Variants in BLTP3B observed in about 807,000 individuals in gnomAD.
BLTP3B encodes the protein bridge-like lipid transfer protein family member 3B.
the BLTP3B span, among the ~76,000 whole-genome samples, chr12:100,096,031 CA>C: frequency 6.6e-6 from 1 of 152,162 alleles, no homozygotes; most frequent in African/African-American, 2.4e-5. Context: ...GCAGGTGGAT[CA>C]CCCGAGGTCA....
At chr12:100,039,212 G>A in the BLTP3B span, among the ~76,000 whole-genome samples, 2 of 148,846 alleles carry the variant, frequency 1.3e-5, no homozygotes, top group Non-Finnish European at 3.0e-5. Context: ...GTTTATAGAA[G>A]TTTCAGAAAT....
chr12:100,114,264 A>G, the BLTP3B span, among the ~76,000 whole-genome samples: 1 of 152,178 alleles, frequency 6.6e-6, no homozygotes, highest in African/African-American at 2.4e-5. Flanking sequence ...ACAGGTTGAC[A>G]TGGCATCTAG....
chr12:100,110,788 TG>T, the BLTP3B span, among the ~76,000 whole-genome samples: 1 of 151,964 alleles, frequency 6.6e-6, no homozygotes, highest in East Asian at 1.9e-4. Context: ...AGGAGGGAGA[TG>T]ATATAAAGTG....
chr12:100,131,294 G>C, the BLTP3B span, among the ~76,000 whole-genome samples: 1 of 147,730 alleles, frequency 6.8e-6, no homozygotes, highest in Non-Finnish European at 1.5e-5. Flanking sequence ...CTGGGTGACA[G>C]AGCAAGACCC....
the BLTP3B span, chr12:100,058,161 C>A: frequency 1.2e-6 from 2 of 1,613,336 alleles, no homozygotes; most frequent in African/African-American, 2.7e-5. Context: ...GGTTTCATTT[C>A]CTTTACTAGT....
chr12:100,092,079 G>C, the BLTP3B span, among the ~76,000 whole-genome samples: 1 of 152,094 alleles, frequency 6.6e-6, no homozygotes, highest in Admixed American at 6.6e-5. Flanking sequence ...AAAGTACTGG[G>C]ATTACACTGC....
the BLTP3B span, among the ~76,000 whole-genome samples, chr12:100,101,765 T>C: frequency 6.6e-6 from 1 of 152,190 alleles, no homozygotes; most frequent in Non-Finnish European, 1.5e-5. Context: ...ACTTAATGAA[T>C]TTTAGAGTAA....
At chr12:100,059,966 G>A in the BLTP3B span, 1 of 1,612,986 alleles carries the variant, frequency 6.2e-7, no homozygotes, top group Non-Finnish European at 8.5e-7. Context: ...AACAGAAATT[G>A]ATTTAACCAT....
the BLTP3B span, among the ~76,000 whole-genome samples, chr12:100,099,157 T>A: frequency 1.3e-5 from 2 of 151,606 alleles, no homozygotes; most frequent in Admixed American, 1.3e-4. Flanking sequence ...CATACCTGGC[T>A]AATTTTTTGT....
the BLTP3B span, among the ~76,000 whole-genome samples, chr12:100,041,429 CT>C: frequency 4.6e-3 from 471 of 101,778 alleles, no homozygotes; most frequent in East Asian, 0.014. Context: ...GCTATTGTTA[CT>C]TTTTTTTTTT....
chr12:100,056,959 C>A, the BLTP3B span, among the ~76,000 whole-genome samples: 3 of 152,178 alleles, frequency 2.0e-5, no homozygotes, highest in African/African-American at 7.2e-5. Context: ...TCCTTAATGC[C>A]TTAATGAGGG....
the BLTP3B span, among the ~76,000 whole-genome samples, chr12:100,106,281 A>G: frequency 3.0e-3 from 2 of 662 alleles, no homozygotes; most frequent in Admixed American, 0.091. Context: ...GACTCTATTA[A>G]AAAAAAAAAA....
At chr12:100,096,551 G>A in the BLTP3B span, among the ~76,000 whole-genome samples, 1 of 152,012 alleles carries the variant, frequency 6.6e-6, no homozygotes, top group Non-Finnish European at 1.5e-5. Context: ...AGGCATCGTG[G>A]CTCACACCTA....
the BLTP3B span, among the ~76,000 whole-genome samples, chr12:100,078,699 A>G: frequency 1.3e-5 from 2 of 152,174 alleles, no homozygotes; most frequent in Admixed American, 6.5e-5. Context: ...GAAAGCTAAT[A>G]AGTCCTGAGG....
At chr12:100,051,268 C>A in the BLTP3B span, 1 of 1,565,528 alleles carries the variant, frequency 6.4e-7, no homozygotes, top group Non-Finnish European at 8.7e-7. Context: ...CAGTTTTACA[C>A]ATGATCTAAC....
chr12:100,096,429 A>T, the BLTP3B span, among the ~76,000 whole-genome samples: 1 of 152,200 alleles, frequency 6.6e-6, no homozygotes, highest in African/African-American at 2.4e-5. Flanking sequence ...AATTACTTGT[A>T]TTAATTCAAA....
chr12:100,042,256 T>C, the BLTP3B span, among the ~76,000 whole-genome samples: 1 of 152,212 alleles, frequency 6.6e-6, no homozygotes, highest in Non-Finnish European at 1.5e-5. Flanking sequence ...AGCTGGCTTC[T>C]TTGTAGAAAT....
At chr12:100,054,597 G>A in the BLTP3B span, among the ~76,000 whole-genome samples, 1 of 151,978 alleles carries the variant, frequency 6.6e-6, no homozygotes, top group Non-Finnish European at 1.5e-5. Flanking sequence ...ATCATAAAGG[G>A]GGCACGGGGG....
the BLTP3B span, among the ~76,000 whole-genome samples, chr12:100,050,884 A>C: frequency 2.6e-5 from 4 of 152,190 alleles, no homozygotes; most frequent in Non-Finnish European, 4.4e-5. Flanking sequence ...AATATGAATA[A>C]AACAAATTTA....
Sources: allele counts gnomAD v4.1 joint callset (sites outside exome capture counted in the v4.1 genomes callset), GRCh38; gene constraint gnomAD v4.1.1; transcripts MANE v1.5; gene names NCBI Gene and HGNC (gene_info 2026-07-23, HGNC 2026-07-21).